The following B3GALT1 variants were observed in gnomAD, a reference collection of about 807,000 sequenced individuals.
B3GALT1 encodes beta-1,3-galactosyltransferase 1.
A neutral mutation model predicts 23.2 loss-of-function variants in B3GALT1; 10 were observed. That is an observed-to-expected ratio of 0.43 (90% CI 0.27 to 0.73). The LOEUF (loss-of-function observed/expected upper bound fraction) is 0.73. Among genes scored for constraint, B3GALT1 ranks in the 30% least tolerant of loss-of-function variants. B3GALT1 has a pLI of 0.21. For missense variants in B3GALT1, 299 were observed against 405.4 expected (o/e 0.74, Z 2.25); for synonymous variants, 156 against 141.5 (o/e 1.10, Z -0.73).
At chr2:167,664,258 G>T (rs1381490121) in intron 3 of B3GALT1, among the ~76,000 whole-genome samples, 1 of 151,320 alleles carries the variant, frequency 6.6e-6, no homozygotes, top group Admixed American at 6.6e-5. Flanking sequence ...GTTTGTCAAA[G>T]ATCAGATAGT....
At chr2:167,477,766 T>A (rs767684606) in intron 1 of B3GALT1, among the ~76,000 whole-genome samples, 1 of 152,200 alleles carries the variant, frequency 6.6e-6, no homozygotes, top group Non-Finnish European at 1.5e-5. Context: ...GTGGAAACTG[T>A]TCAACATTTT....
chr2:167,663,857 G>A (rs927665807), intron 3 of B3GALT1, among the ~76,000 whole-genome samples: 45 of 152,124 alleles, frequency 3.0e-4, no homozygotes, highest in Non-Finnish European at 4.0e-4. Flanking sequence ...GATTCTGGAT[G>A]TTAGCCCTTT....
intron 4 of B3GALT1, among the ~76,000 whole-genome samples, chr2:167,866,683 A>T (rs996327178): frequency 6.6e-6 from 1 of 152,156 alleles, no homozygotes; most frequent in African/African-American, 2.4e-5. Flanking sequence ...CCCAAATATT[A>T]CCTGACAGGA....
intron 1 of B3GALT1, among the ~76,000 whole-genome samples, chr2:167,483,386 C>G (rs1472582932): frequency 6.6e-6 from 1 of 152,016 alleles, no homozygotes; most frequent in Non-Finnish European, 1.5e-5. Context: ...CAGTACTTGG[C>G]TAAATTATTA....
intron 2 of B3GALT1, among the ~76,000 whole-genome samples, chr2:167,512,646 ATATATT>A: frequency 7.6e-6 from 1 of 132,318 alleles, no homozygotes; most frequent in East Asian, 2.4e-4. Flanking sequence ...ACATATATAT[ATATATT>A]TTGAGATAGG....
intron 1 of B3GALT1, among the ~76,000 whole-genome samples, chr2:167,460,583 A>G (rs1250518395): frequency 2.0e-5 from 3 of 151,840 alleles, no homozygotes. Context: ...TTTGTCTAAT[A>G]GATCTGCCAT....
intron 1 of B3GALT1, among the ~76,000 whole-genome samples, chr2:167,340,498 A>T (rs1431348224): frequency 1.3e-5 from 2 of 152,074 alleles, no homozygotes; most frequent in Non-Finnish European, 2.9e-5. Context: ...AAATAGTTAA[A>T]TTTTTGCAGT....
At chr2:167,513,105 A>G (rs1465249237) in intron 2 of B3GALT1, among the ~76,000 whole-genome samples, 1 of 150,508 alleles carries the variant, frequency 6.6e-6, no homozygotes, top group Non-Finnish European at 1.5e-5. Context: ...GAATCACTCA[A>G]ACCTCTAGAT....
At chr2:167,505,576 A>C (rs1454232316) in intron 2 of B3GALT1, among the ~76,000 whole-genome samples, 1 of 152,224 alleles carries the variant, frequency 6.6e-6, no homozygotes, top group Non-Finnish European at 1.5e-5. Context: ...ATATTTGGAA[A>C]GCTTATGCAG....
chr2:167,509,748 GA>G (rs1159950210), intron 2 of B3GALT1, among the ~76,000 whole-genome samples: 6 of 152,148 alleles, frequency 3.9e-5, no homozygotes, highest in Non-Finnish European at 7.4e-5. Flanking sequence ...AATGGAGGAT[GA>G]GATCAGCAAC....
chr2:167,467,400 CA>C (rs1272229805), intron 1 of B3GALT1, among the ~76,000 whole-genome samples: 1 of 152,050 alleles, frequency 6.6e-6, no homozygotes, highest in African/African-American at 2.4e-5. Flanking sequence ...ATAGAGCAAA[CA>C]GTAAAAAACA....
rs1002776827 is a variant in B3GALT1 at position 167,870,545 on chromosome 2, A to G, written c.*525A>G. The G allele has an allele frequency of 6.0e-6, 1 of 167,352 alleles. No homozygotes were observed. Among genetic ancestry groups the G allele is most frequent in the African/African-American group, 2.4e-5 (1 of 41,462 alleles). The allele number at this position is 167,352 out of a possible 1,614,324, so 10.4% of individuals were successfully genotyped here. A position where few individuals can be genotyped will look rare whatever the true frequency, so the allele number is the denominator to read the frequency against. On this transcript the variant is annotated 3_prime_UTR_variant, in exon 5 of 5. Transcript: ENST00000392690. Reference sequence around the variant, plus strand: ...AGTTCCACCAAGAAATGAACTTGGTACCTGCAGAGTGGCTGCAGTTAAATA... The same window carrying G: ...AGTTCCACCAAGAAATGAACTTGGTGCCTGCAGAGTGGCTGCAGTTAAATA...
chr2:167,702,003 AGAGTT>A (rs1686888535), intron 3 of B3GALT1, among the ~76,000 whole-genome samples: 1 of 152,214 alleles, frequency 6.6e-6, no homozygotes, highest in Admixed American at 6.5e-5. Flanking sequence ...GAGTTTTAAA[AGAGTT>A]GAGACTTTCT....
rs1317301420 is a variant in B3GALT1 at position 167,639,183 on chromosome 2, G to T, written c.-409-7726G>T. ...TCTCCGGAAGAAATAAAGATAGAAA[G>T]TTACACATTATAAACCAGCATGGGT... On this transcript the variant is annotated intron_variant, in intron 2 of 4. Coordinates refer to ENST00000392690, the MANE Select transcript of B3GALT1 (RefSeq NM_020981.4). Among the ~76,000 whole-genome samples the T allele has an allele frequency of 2.6e-5, 4 of 151,938 alleles. No individual in the cohort carries two copies. In the East Asian group the frequency reaches 7.7e-4, roughly 29 times the overall value.
At chr2:167,817,363 T>C (rs779770624) in intron 3 of B3GALT1, among the ~76,000 whole-genome samples, 2 of 152,240 alleles carry the variant, frequency 1.3e-5, no homozygotes, top group Non-Finnish European at 2.9e-5. Flanking sequence ...CTAACGTTGA[T>C]GACTACCTAT....
chr2:167,558,725 C>G (rs958870945), intron 2 of B3GALT1, among the ~76,000 whole-genome samples: 7 of 152,224 alleles, frequency 4.6e-5, no homozygotes, highest in African/African-American at 1.7e-4. Flanking sequence ...AGTCTGAGAT[C>G]AAACTGCAAG....
intron 3 of B3GALT1, among the ~76,000 whole-genome samples, chr2:167,683,048 T>C (rs1156602609): frequency 2.0e-5 from 3 of 152,212 alleles, no homozygotes; most frequent in Non-Finnish European, 4.4e-5. Flanking sequence ...TTATGATTTA[T>C]TATGAAGATG....
chr2:167,428,206 G>A (rs1000142220), intron 1 of B3GALT1, among the ~76,000 whole-genome samples: 3 of 152,156 alleles, frequency 2.0e-5, no homozygotes, highest in African/African-American at 4.8e-5. Context: ...AATAAAATTA[G>A]CACTTTTAAA....
At position 167,800,043 on chromosome 2, in the gene B3GALT1, G is replaced by T. The variant is rs1386706824; in HGVS notation, c.-351-18629G>T. Among the ~76,000 whole-genome samples, 3 of 152,166 alleles carry T rather than the reference G, an allele frequency of 2.0e-5. 1 individual carries two copies. Among genetic ancestry groups the T allele is most frequent in the South Asian group, 4.2e-4 (2 of 4,816 alleles). ...CAGAGCAAGGATTTTTATCTGTTTT[G>T]TACACTAACTTATTCCAAGTGCCTA... On this transcript the variant is annotated intron_variant, in intron 3 of 4. Coordinates refer to ENST00000392690, the MANE Select transcript of B3GALT1 (RefSeq NM_020981.4).
Sources: allele counts gnomAD v4.1 joint callset (sites outside exome capture counted in the v4.1 genomes callset), GRCh38; gene constraint gnomAD v4.1.1; transcripts MANE v1.5; gene names NCBI Gene and HGNC (gene_info 2026-07-23, HGNC 2026-07-21).